CYRIB: variants seen among roughly 807,000 people sequenced by gnomAD.
The protein encoded by CYRIB is CYFIP related Rac1 interactor B.
In CYRIB, 8 loss-of-function variants were observed where a neutral mutation model predicts 44.2. That is an observed-to-expected ratio of 0.18 (90% CI 0.11 to 0.33). The LOEUF (loss-of-function observed/expected upper bound fraction) is 0.33. Ranked by LOEUF, CYRIB falls within the 10% of genes least tolerant of loss-of-function variation. CYRIB has a pLI of 1.00. For synonymous variants in CYRIB, 131 were observed against 127.2 expected (o/e 1.03, Z -0.20); for missense variants, 185 against 382.8 (o/e 0.48, Z 4.31).
chr8:130,000,746 G>A (rs2096889214), intron 1 of CYRIB, among the ~76,000 whole-genome samples: 1 of 152,050 alleles, frequency 6.6e-6, no homozygotes, highest in Non-Finnish European at 1.5e-5. Context: ...GCCAGGCACA[G>A]TGGAGAGAGC....
intron 1 of CYRIB, among the ~76,000 whole-genome samples, chr8:129,998,238 G>C (rs1378332141): frequency 6.6e-6 from 1 of 152,036 alleles, no homozygotes; most frequent in Non-Finnish European, 1.5e-5. Context: ...CCAGATACTG[G>C]CTAAGGTCCC....
chr8:129,901,526 G>C (rs1378333854), intron 2 of CYRIB: 1 of 152,100 alleles, frequency 6.6e-6, no homozygotes, highest in African/African-American at 2.4e-5. Context: ...AACTACTTAA[G>C]ATTAGTCATA....
intron 8 of CYRIB, 57 bp downstream of exon 10, chr8:129,852,105 C>A: frequency 3.8e-6 from 4 of 1,048,360 alleles, no homozygotes; most frequent in Non-Finnish European, 5.4e-6. Context: ...GCTGACATCA[C>A]GTCTGCCAAC....
intron 4 of CYRIB, among the ~76,000 whole-genome samples, chr8:129,870,204 C>T (rs2056524955): frequency 6.6e-6 from 1 of 151,992 alleles, no homozygotes; most frequent in African/African-American, 2.4e-5. Context: ...CGGGGGATCA[C>T]TTGAGGCCAG....
intron 7 of CYRIB, among the ~76,000 whole-genome samples, chr8:129,852,851 G>C (rs1019028769): frequency 2.0e-5 from 3 of 152,222 alleles, no homozygotes; most frequent in African/African-American, 7.2e-5. Context: ...AGACTGTATA[G>C]TGCCATAAAT....
At chr8:129,850,750 T>C (rs2042840760) in intron 9 of CYRIB, 85 bp downstream of exon 11, 2 of 927,416 alleles carry the variant, frequency 2.2e-6, no homozygotes, top group Admixed American at 4.1e-5. Context: ...ATAAAACATG[T>C]TAACATGTTC....
chr8:129,922,516 TA>T (rs1307673598), intron 1 of CYRIB, among the ~76,000 whole-genome samples: 1 of 152,090 alleles, frequency 6.6e-6, no homozygotes, highest in Non-Finnish European at 1.5e-5. Flanking sequence ...TGAACATTAT[TA>T]TAAAAGTAGA....
chr8:129,988,017 A>C (rs1357143744), intron 1 of CYRIB, among the ~76,000 whole-genome samples: 2 of 152,228 alleles, frequency 1.3e-5, no homozygotes, highest in Non-Finnish European at 2.9e-5. Flanking sequence ...GAACCCTGCG[A>C]GCACGCCAAC....
intron 1 of CYRIB, among the ~76,000 whole-genome samples, chr8:129,989,618 C>T (rs897133240): frequency 6.6e-6 from 1 of 151,660 alleles, no homozygotes; most frequent in Non-Finnish European, 1.5e-5. Flanking sequence ...GTGTTCAGGA[C>T]CTCGCAAGCC....
chr8:129,951,992 A>C (rs887793933), intron 2 of CYRIB, among the ~76,000 whole-genome samples: 8 of 152,264 alleles, frequency 5.3e-5, no homozygotes, highest in African/African-American at 1.9e-4. Context: ...TATTAAGTTA[A>C]AAGAACAAAG....
At chr8:129,877,602 T>C (rs919125216) in intron 3 of CYRIB, among the ~76,000 whole-genome samples, 9 of 149,296 alleles carry the variant, frequency 6.0e-5, no homozygotes, top group African/African-American at 2.2e-4. Flanking sequence ...TGAGCTAAGA[T>C]TGCGCCACTG....
At chr8:129,880,415 T>C (rs914456228) in intron 2 of CYRIB, 3 of 985,780 alleles carry the variant, frequency 3.0e-6, no homozygotes, top group Non-Finnish European at 3.6e-6. Flanking sequence ...TTGTGGTCTA[T>C]GTCCCTGGTT....
chr8:129,913,195 A>T lies in CYRIB; in HGVS notation c.-49-9845T>A, dbSNP rs560542561. Among the ~76,000 whole-genome samples the T allele has an allele frequency of 4.6e-4, 70 of 151,822 alleles. No homozygotes were observed. In the South Asian group the frequency reaches 0.01, roughly 22 times the overall value. Reference sequence around the variant, plus strand: ...ACCGTGTTAGCCAGGATGGTCTTGAACTTCTGACCTCATGATCCACCTGCC... The same window carrying T: ...ACCGTGTTAGCCAGGATGGTCTTGATCTTCTGACCTCATGATCCACCTGCC... On this transcript the variant is annotated intron_variant, in intron 1 of 11. Transcript: ENST00000519824.
chr8:130,015,684 T>C (rs937996528), intron 1 of CYRIB, among the ~76,000 whole-genome samples: 5 of 152,120 alleles, frequency 3.3e-5, no homozygotes, highest in African/African-American at 9.7e-5. Flanking sequence ...CACAGGTTTT[T>C]CCCAACCCCA....
intron 1 of CYRIB, among the ~76,000 whole-genome samples, chr8:129,915,984 G>C (rs1249127754): frequency 6.6e-6 from 1 of 152,048 alleles, no homozygotes; most frequent in African/African-American, 2.4e-5. Flanking sequence ...AAAGAAAAAA[G>C]CCCATAGAGA....
At chr8:129,999,809 G>C (rs916053297) in intron 1 of CYRIB, among the ~76,000 whole-genome samples, 1 of 152,020 alleles carries the variant, frequency 6.6e-6, no homozygotes, top group Non-Finnish European at 1.5e-5. Flanking sequence ...TTATTTTTTT[G>C]TAGAGATGGG....
chr8:129,865,643 A>C (rs1432699726), intron 4 of CYRIB, among the ~76,000 whole-genome samples: 1 of 152,202 alleles, frequency 6.6e-6, no homozygotes, highest in African/African-American at 2.4e-5. Context: ...GTTAACCTAA[A>C]CAAAACTGCC....
chr8:129,986,982 G>A (rs1417102836), intron 1 of CYRIB, among the ~76,000 whole-genome samples: 1 of 152,112 alleles, frequency 6.6e-6, no homozygotes, highest in Non-Finnish European at 1.5e-5. Context: ...ACCAATAGAC[G>A]GCTCAAATGC....
intron 2 of CYRIB, among the ~76,000 whole-genome samples, chr8:129,967,315 CTTCTT>C (rs2095513424): frequency 6.6e-6 from 1 of 151,838 alleles, no homozygotes; most frequent in Non-Finnish European, 1.5e-5. Context: ...CAAATTAGGG[CTTCTT>C]TTCTTTTCTT....
Sources: gnomAD v4.1 joint callset for allele counts (sites outside exome capture counted in the v4.1 genomes callset) on GRCh38, gnomAD v4.1.1 for gene constraint, MANE v1.5 for transcripts, NCBI Gene and HGNC (gene_info 2026-07-23, HGNC 2026-07-21) for gene names.